RFX4: variants seen among roughly 807,000 people sequenced by gnomAD.
RFX4 encodes the protein transcription factor RFX4.
In RFX4, 10 loss-of-function variants were observed where a neutral mutation model predicts 95.0. The ratio of observed to expected loss-of-function variants is 0.11; its 90% CI spans 0.06 to 0.18. The LOEUF (loss-of-function observed/expected upper bound fraction) is 0.18. RFX4 is among the 10% of genes least tolerant of loss of function. The pLI is 1.00. For synonymous variants in RFX4, 321 were observed against 340.7 expected (o/e 0.94, Z 0.64); for missense variants, 640 against 922.0 (o/e 0.69, Z 3.96).
At chr12:106,638,196 C>T (rs897821690) in intron 2 of RFX4, among the ~76,000 whole-genome samples, 6 of 151,914 alleles carry the variant, frequency 3.9e-5, no homozygotes, top group African/African-American at 7.3e-5. Context: ...TTAGTACAGA[C>T]GGGGTTTCAC....
intron 2 of RFX4, among the ~76,000 whole-genome samples, chr12:106,614,749 T>C (rs2040039531): frequency 6.6e-6 from 1 of 152,048 alleles, no homozygotes; most frequent in African/African-American, 2.4e-5. Flanking sequence ...GACCTCGTGA[T>C]CTACCCGCCT....
intron 8 of RFX4, among the ~76,000 whole-genome samples, chr12:106,700,119 C>A (rs895941698): frequency 1.3e-5 from 2 of 152,112 alleles, no homozygotes; most frequent in African/African-American, 4.8e-5. Context: ...GCAGACTCAA[C>A]ATCCTGGGCT....
At chr12:106,707,954 G>A (rs1050964904) in intron 8 of RFX4, among the ~76,000 whole-genome samples, 9 of 152,282 alleles carry the variant, frequency 5.9e-5, no homozygotes, top group South Asian at 2.1e-4. Flanking sequence ...CCAACATGGC[G>A]AAAGCCCATC....
intron 1 of RFX4, among the ~76,000 whole-genome samples, chr12:106,585,358 T>C (rs1454623098): frequency 6.6e-6 from 1 of 152,186 alleles, no homozygotes; most frequent in Non-Finnish European, 1.5e-5. Context: ...CGTTCTGAAA[T>C]GAAATCCTTT....
rs138167459 is a variant in RFX4, at chr12:106,601,331, C to T, written c.44-7466C>T. 107 of 1,586,766 alleles carry T rather than the reference C, an allele frequency of 6.7e-5. 1 individual carries two copies. Among genetic ancestry groups the T allele is most frequent in the Admixed American group, 3.1e-4 (18 of 57,680 alleles). ...GGGAGGCGACAGGACCAGGCCTCGA[C>T]GGCGCCGTTCCACTGGTAATGACCA... On this transcript the variant is annotated intron_variant, in intron 1 of 17. Coordinates refer to ENST00000392842, the MANE Select transcript of RFX4 (RefSeq NM_213594.3).
intron 1 of RFX4, among the ~76,000 whole-genome samples, chr12:106,607,725 T>C (rs2039867577): frequency 6.6e-6 from 1 of 152,176 alleles, no homozygotes; most frequent in Admixed American, 6.5e-5. Context: ...ACAAGTGTTA[T>C]AGCAGAGCTG....
chr12:106,667,617 A>C (rs2041202842), intron 4 of RFX4, among the ~76,000 whole-genome samples: 2 of 152,310 alleles, frequency 1.3e-5, no homozygotes, highest in South Asian at 4.1e-4. Flanking sequence ...TTCCTACCAC[A>C]GTACTGGGTC....
chr12:106,654,668 C>T (rs367841059), intron 4 of RFX4, among the ~76,000 whole-genome samples: 4 of 152,192 alleles, frequency 2.6e-5, no homozygotes, highest in African/African-American at 9.6e-5. Context: ...CTGGGACAGG[C>T]AACCTGCTTG....
chr12:106,724,604 G>A (rs2042455174), intron 13 of RFX4, among the ~76,000 whole-genome samples: 1 of 152,122 alleles, frequency 6.6e-6, no homozygotes. Context: ...TAAGTGTTGA[G>A]AACAAAGAAC....
At chr12:106,663,145 G>T (rs1283626949) in intron 4 of RFX4, among the ~76,000 whole-genome samples, 2 of 152,148 alleles carry the variant, frequency 1.3e-5, no homozygotes, top group East Asian at 3.9e-4. Flanking sequence ...TGATCAAGAT[G>T]GGAATAACTG....
chr12:106,717,196 G>A (rs2042311127), intron 11 of RFX4, among the ~76,000 whole-genome samples: 1 of 151,928 alleles, frequency 6.6e-6, no homozygotes, highest in East Asian at 1.9e-4. Flanking sequence ...CTCCCAATGG[G>A]CCAGGCACAG....
chr12:106,675,412 C>T (rs1223270753), intron 4 of RFX4, among the ~76,000 whole-genome samples: 2 of 151,830 alleles, frequency 1.3e-5, no homozygotes, highest in African/African-American at 2.4e-5. Context: ...GCCTGGGTGA[C>T]GAGTGAGACT....
chr12:106,704,154 A>C lies in RFX4; in HGVS notation c.834-5176A>C, dbSNP rs186838733. 2.3e-4 allele frequency among the ~76,000 whole-genome samples: 35 copies of C among 151,708 alleles called. 1 individual carries two copies. In the East Asian group the frequency reaches 6.0e-3, roughly 26 times the overall value. ...TGAAATAGTCAGGACTCGAATATTCATTCAAGAAAACCACAATATTCATTC... is the reference window on the plus strand; with the variant it reads ...TGAAATAGTCAGGACTCGAATATTCCTTCAAGAAAACCACAATATTCATTC... On this transcript the variant is annotated intron_variant, in intron 8 of 17. Transcript: ENST00000392842.
chr12:106,669,827 G>GT (rs1325592854), intron 4 of RFX4, among the ~76,000 whole-genome samples: 1 of 132,928 alleles, frequency 7.5e-6, no homozygotes, highest in African/African-American at 2.8e-5. Flanking sequence ...TTCACACCAG[G>GT]TTTTTTCTAG....
Position 106,696,656 on chromosome 12 carries a change from AG to A in RFX4, c.833+212del, listed in dbSNP as rs1170235641. On this transcript the variant is annotated intron_variant, in intron 8 of 17. Transcript: ENST00000392842. ...ACCATTTGTGTGGCTTAAAATTCAA[AG>A]GTATAAGATGGTGTACAGTAAACAA... is the stretch of plus-strand genomic sequence containing the variant. Among the ~76,000 whole-genome samples the A allele has an allele frequency of 3.3e-5, 5 of 152,276 alleles. No individual in the cohort carries two copies. In the East Asian group the frequency reaches 5.8e-4, roughly 18 times the overall value.
chr12:106,633,979 C>A (rs1025632877), intron 2 of RFX4, among the ~76,000 whole-genome samples: 3 of 152,144 alleles, frequency 2.0e-5, no homozygotes, highest in African/African-American at 7.2e-5. Flanking sequence ...ATGAACAGGG[C>A]AGGTTACAAA....
Position 106,586,873 on chromosome 12 carries a change from G to T in RFX4, c.43+3510G>T, listed in dbSNP as rs2039465303. Among the ~76,000 whole-genome samples the T allele has an allele frequency of 6.6e-6, 1 of 152,242 alleles. No homozygotes were observed. Among genetic ancestry groups the T allele is most frequent in the African/African-American group, 2.4e-5 (1 of 41,470 alleles). ...TCCATTCTTGCCCAGGCACAGCCCT[G>T]GGGAAGGAGCCACTGTCTGCGGGCT... On this transcript the variant is annotated intron_variant, in intron 1 of 17. Transcript: ENST00000392842. The surrounding 1 kb of genome is among the most constrained non-coding windows in gnomAD (Gnocchi z 5.6).
chr12:106,675,129 A>T (rs920229835), intron 4 of RFX4, among the ~76,000 whole-genome samples: 1 of 152,158 alleles, frequency 6.6e-6, no homozygotes, highest in Non-Finnish European at 1.5e-5. Flanking sequence ...GTTAATAACA[A>T]CGTATTCTTG....
intron 11 of RFX4, among the ~76,000 whole-genome samples, chr12:106,716,068 G>T (rs2042283822): frequency 6.6e-6 from 1 of 152,146 alleles, no homozygotes; most frequent in Non-Finnish European, 1.5e-5. Context: ...CAGACTGCAG[G>T]TATACTGCTC....
Sources: allele counts gnomAD v4.1 joint callset (sites outside exome capture counted in the v4.1 genomes callset), GRCh38; gene constraint gnomAD v4.1.1; non-coding constraint Gnocchi (gnomAD v3.1); transcripts MANE v1.5; gene names NCBI Gene and HGNC (gene_info 2026-07-23, HGNC 2026-07-21).